Variants in MYT1 observed in about 807,000 individuals in gnomAD.
MYT1 encodes the protein myelin transcription factor 1, also known as myelin transcription factor I.
Under a neutral mutation model 123.0 loss-of-function variants are expected in MYT1, and 23 were observed. That is an observed-to-expected ratio of 0.19 (90% confidence interval 0.13 to 0.26). The LOEUF (loss-of-function observed/expected upper bound fraction) is 0.26, where lower values mean the gene tolerates loss of function less well. Among genes scored for constraint, MYT1 ranks in the 10% least tolerant of loss-of-function variants. The probability of loss-of-function intolerance (pLI) is 1.00; values close to 1 mark genes in which losing one functional copy is unlikely to be tolerated. For synonymous variants in MYT1, 518 were observed against 575.3 expected, an observed-to-expected ratio of 0.90 and a Z score of 1.43; for missense variants, 1,125 against 1,472.5, an observed-to-expected ratio of 0.76 and a Z score of 3.86.
chr20:64,233,941 A>G (rs1350379639), intron 19 of MYT1, among the ~76,000 whole-genome samples: 2 of 152,210 alleles, frequency 1.3e-5, no homozygotes, highest in Non-Finnish European at 2.9e-5. Context: ...GCCCGCTGGC[A>G]AGGACTCAGC....
chr20:64,227,313 C>T, intron 16 of MYT1, 102 bp from the exon 17 acceptor site: 1 of 1,112,038 alleles, frequency 9.0e-7, no homozygotes, highest in Non-Finnish European at 1.3e-6. Context: ...TGGGCGCACT[C>T]AAGGGCTGAG....
At chr20:64,197,607 C>T (rs745448008) in intron 2 of MYT1, among the ~76,000 whole-genome samples, 190 of 152,204 alleles carry the variant, frequency 1.2e-3, no homozygotes, top group Non-Finnish European at 2.4e-3. Flanking sequence ...CTCCCCTGTC[C>T]GGCTAGAGGT....
chr20:64,171,401 G>A (rs918610399), intron 1 of MYT1, among the ~76,000 whole-genome samples: 1 of 152,208 alleles, frequency 6.6e-6, no homozygotes, highest in East Asian at 1.9e-4. Context: ...AGCCTGTCTC[G>A]GGGAATCCGT....
rs1983143299 is a variant in MYT1, at chr20:64,196,982, A to G, written c.1-1880A>G. On this transcript the variant is annotated intron_variant, in intron 2 of 22. Transcript: ENST00000328439. This position sits in a 1 kb window ranked among gnomAD's most constrained non-coding sequence, Gnocchi z 4.3. ...CGTCCTGCATCGGAAGGCATTGCAC[A>G]CGGGCTCAGAGCAGACGACATTTGA... 6.6e-6 allele frequency among the ~76,000 whole-genome samples: 1 copy of G among 152,246 alleles called. No homozygotes were observed. The highest frequency in any genetic ancestry group is 2.4e-5 in the African/African-American group (1 of 41,464).
Position 64,168,535 on chromosome 20 carries a change from TG to T in MYT1, c.-99+3797del, listed in dbSNP as rs1465612746. ...TTGGCCAGGATTGGAGTCCAGGCCT[TG>T]CAGAGGAGAGAGGATGTCGACACAG... On this transcript the variant is annotated intron_variant, in intron 1 of 22. Coordinates refer to ENST00000328439, the MANE Select transcript of MYT1 (RefSeq NM_004535.3). The surrounding 1 kb of genome is among the most constrained non-coding windows in gnomAD (Gnocchi z 6.1). Among the ~76,000 whole-genome samples, 2 of 152,240 alleles carry T rather than the reference TG, an allele frequency of 1.3e-5. No individual in the cohort carries two copies. The highest frequency in any genetic ancestry group is 2.9e-5 in the Non-Finnish European group (2 of 68,040).
chr20:64,193,225 G>A lies in MYT1; in HGVS notation c.-1+3065G>A, dbSNP rs892799934. Among the ~76,000 whole-genome samples the A allele has an allele frequency of 9.2e-5, 14 of 152,150 alleles. No homozygotes were observed. The highest frequency in any genetic ancestry group is 3.4e-4 in the African/African-American group (14 of 41,424). ...GGCTGCCAGTGGGGATCAGGGGTGA[G>A]GGCATATGGTTTAGCCTCAGAGATC... is the stretch of plus-strand genomic sequence containing the variant. On this transcript the variant is annotated intron_variant, in intron 2 of 22. Transcript: ENST00000328439. The surrounding 1 kb of genome is among the most constrained non-coding windows in gnomAD (Gnocchi z 4.0).
At chr20:64,214,798 C>T (rs1245045568) in intron 10 of MYT1, among the ~76,000 whole-genome samples, 1 of 152,246 alleles carries the variant, frequency 6.6e-6, no homozygotes, top group Non-Finnish European at 1.5e-5. Flanking sequence ...TTCCACTGTC[C>T]GCCTCCTTTC....
chr20:64,183,240 A>G (rs566301255), intron 1 of MYT1, among the ~76,000 whole-genome samples: 10 of 152,330 alleles, frequency 6.6e-5, no homozygotes, highest in Non-Finnish European at 1.3e-4. Flanking sequence ...TTTATTGCCA[A>G]AGACTGTGCC....
At chr20:64,206,771 A>G (rs778314435) in intron 6 of MYT1, among the ~76,000 whole-genome samples, 3 of 152,144 alleles carry the variant, frequency 2.0e-5, no homozygotes, top group Non-Finnish European at 4.4e-5. Context: ...TCAGCTGTCA[A>G]CCTGGGCTTG....
At chr20:64,169,571 G>T (rs540591531) in intron 1 of MYT1, among the ~76,000 whole-genome samples, 4 of 152,296 alleles carry the variant, frequency 2.6e-5, no homozygotes, top group Non-Finnish European at 5.9e-5. Context: ...CCCGGGGATG[G>T]TTCAGAGCAG....
chr20:64,239,117 C>T (rs564167367), intron 21 of MYT1, among the ~76,000 whole-genome samples: 2 of 152,346 alleles, frequency 1.3e-5, no homozygotes, highest in East Asian at 3.9e-4. Flanking sequence ...AGGCTGGGGG[C>T]TATTCCTGGA....
In MYT1 at chr20:64,228,007, C is replaced by T. The variant is rs761077730; in HGVS notation, c.2675+36C>T. On this transcript the variant is annotated intron_variant, in intron 18 of 22. Coordinates refer to ENST00000328439, the MANE Select transcript of MYT1 (RefSeq NM_004535.3). ...CCATGCTGGCTCTTTCATTGCATTGCGGAATTGAGATTTTCGTGTGTTTTA... is the reference window on the plus strand; with the variant it reads ...CCATGCTGGCTCTTTCATTGCATTGTGGAATTGAGATTTTCGTGTGTTTTA... The T allele has an allele frequency of 1.8e-5, 28 of 1,587,276 alleles. No homozygotes were observed. The Middle Eastern group carries it at 5.0e-4, about 28-fold the overall frequency.
In MYT1 at chr20:64,213,347, A is replaced by C. The variant is rs561786013; in HGVS notation, c.1518-187A>C. On this transcript the variant is annotated intron_variant, in intron 9 of 22. Coordinates refer to ENST00000328439, the MANE Select transcript of MYT1 (RefSeq NM_004535.3). The surrounding 1 kb of genome is among the most constrained non-coding windows in gnomAD (Gnocchi z 5.6). Reference sequence around the variant, plus strand: ...GCTTGTACTGTGAGGGCTCAAGAACAGAGCCAGAGAGAAAACCCCTGTCCT... The same window carrying C: ...GCTTGTACTGTGAGGGCTCAAGAACCGAGCCAGAGAGAAAACCCCTGTCCT... Among the ~76,000 whole-genome samples the C allele has an allele frequency of 3.4e-4, 52 of 152,340 alleles. No homozygotes were observed. Among genetic ancestry groups the C allele is most frequent in the Non-Finnish European group, 6.5e-4 (44 of 68,032 alleles).
At chr20:64,216,605 C>T (rs1391663434) in intron 10 of MYT1, among the ~76,000 whole-genome samples, 1 of 152,224 alleles carries the variant, frequency 6.6e-6, no homozygotes, top group Non-Finnish European at 1.5e-5. Flanking sequence ...ACTAGCGTCT[C>T]CTGTAGATTC....
intron 6 of MYT1, among the ~76,000 whole-genome samples, chr20:64,206,151 G>A (rs1327053790): frequency 1.3e-5 from 2 of 152,168 alleles, no homozygotes. Flanking sequence ...TGTAAGTGGG[G>A]AAGGGAGGAT....
chr20:64,187,223 C>T (rs568842069), intron 1 of MYT1, among the ~76,000 whole-genome samples: 8 of 145,090 alleles, frequency 5.5e-5, no homozygotes, highest in South Asian at 2.3e-4. Flanking sequence ...CCCGTGGCCC[C>T]GGCATCCACG....
Position 64,218,752 on chromosome 20 carries a change from C to T in MYT1, c.1847-159C>T, listed in dbSNP as rs572938798. ...GGGCCCTCCCATCCCTCCCAAAGTG[C>T]CCCCTCCCCACTGACTTGTCTGCAT... On this transcript the variant is annotated intron_variant, in intron 11 of 22. Transcript: ENST00000328439. This position sits in a 1 kb window ranked among gnomAD's most constrained non-coding sequence, Gnocchi z 4.0. 7.4e-5 allele frequency: 67 copies of T among 906,232 alleles called. No individual in the cohort carries two copies. In the African/African-American group the frequency reaches 8.8e-4, roughly 12 times the overall value. 56.1% of individuals were successfully genotyped at this position (906,232 alleles called of 1,614,324 possible).
At chr20:64,201,970 TGTCGGGAACCC>T (rs1568708167) in intron 4 of MYT1, among the ~76,000 whole-genome samples, 5 of 149,356 alleles carry the variant, frequency 3.3e-5, no homozygotes, top group South Asian at 2.1e-4. Context: ...AACCCCCGCG[TGTCGGGAACCC>T]CCGCGTGTCG....
At chr20:64,219,398 C>T (rs1276784211) in intron 12 of MYT1, among the ~76,000 whole-genome samples, 1 of 152,234 alleles carries the variant, frequency 6.6e-6, no homozygotes, top group Non-Finnish European at 1.5e-5. Flanking sequence ...CCTGTTCACA[C>T]GTGTTTCCCG....
Sources: gnomAD v4.1 joint callset for allele counts (sites outside exome capture counted in the v4.1 genomes callset) on GRCh38, gnomAD v4.1.1 for gene constraint, Gnocchi (gnomAD v3.1) non-coding constraint, MANE v1.5 for transcripts, NCBI Gene and HGNC (gene_info 2026-07-23, HGNC 2026-07-21) for gene names.